Variants in PDGFD observed in about 807,000 individuals in gnomAD.
The protein encoded by PDGFD is platelet-derived growth factor D.
Under a neutral mutation model 44.7 loss-of-function variants are expected in PDGFD, and 30 were observed. The ratio of observed to expected loss-of-function variants is 0.67; its 90% CI spans 0.50 to 0.91. PDGFD has a LOEUF of 0.91. PDGFD is among the 40% of genes least tolerant of loss of function. PDGFD has a pLI of 0.00. For missense variants in PDGFD, 445 were observed against 457.8 expected (o/e 0.97, Z 0.25); for synonymous variants, 173 against 168.4 (o/e 1.03, Z -0.21).
At chr11:103,936,197 G>A (rs1858485421) in intron 5 of PDGFD, among the ~76,000 whole-genome samples, 1 of 152,086 alleles carries the variant, frequency 6.6e-6, no homozygotes, top group Non-Finnish European at 1.5e-5. Flanking sequence ...GATGTCACCA[G>A]TACCTCCTTA....
Position 104,005,290 on chromosome 11 carries a change from G to A in PDGFD, c.125-5035C>T, listed in dbSNP as rs537372732. Among the ~76,000 whole-genome samples the A allele has an allele frequency of 4.6e-5, 7 of 152,282 alleles. No homozygotes were observed. The South Asian group carries it at 1.0e-3, about 23-fold the overall frequency. On this transcript the variant is annotated intron_variant, in intron 1 of 6. Coordinates refer to ENST00000393158, the MANE Select transcript of PDGFD (RefSeq NM_025208.5). ...GTTAGAATACAAACCAGGCTATCTG[G>A]TTCCAGAGTAGATGCTTCTAACCAC...
chr11:103,925,173 A>T (rs560292999), intron 6 of PDGFD, among the ~76,000 whole-genome samples: 20 of 152,296 alleles, frequency 1.3e-4, no homozygotes, highest in African/African-American at 4.3e-4. Flanking sequence ...CATGGTGTAT[A>T]TGTGCCACAT....
intron 5 of PDGFD, among the ~76,000 whole-genome samples, chr11:103,941,452 C>T (rs1428532826): frequency 6.6e-6 from 1 of 152,080 alleles, no homozygotes; most frequent in African/African-American, 2.4e-5. Flanking sequence ...AGGTAGGCTT[C>T]ACCAAGGAAG....
chr11:103,927,036 G>A lies in PDGFD; in HGVS notation c.863C>T (p.Ala288Val). Residue 288 changes from alanine to valine, a missense_variant, in exon 6 of 7, where the codon GCC becomes GTC. Coordinates refer to ENST00000393158, the MANE Select transcript of PDGFD (RefSeq NM_025208.5). ...SVNIREELKLANVVFFPRCLL... is the reference protein window; with the variant it reads ...SVNIREELKLVNVVFFPRCLL... ...GCAACGTGGAAAGAAGACCACATTGGCCAACTTCAGCTCTTCTCTTATATT... is the reference window on the plus strand; with the variant it reads ...GCAACGTGGAAAGAAGACCACATTGACCAACTTCAGCTCTTCTCTTATATT... 1 of 1,614,140 alleles carries A rather than the reference G, an allele frequency of 6.2e-7. No individual in the cohort carries two copies. The highest frequency in any genetic ancestry group is 8.5e-7 in the Non-Finnish European group (1 of 1,179,990).
chr11:104,161,245 C>G (rs904833127), intron 1 of PDGFD, among the ~76,000 whole-genome samples: 2 of 152,178 alleles, frequency 1.3e-5, no homozygotes, highest in African/African-American at 4.8e-5. Context: ...TAGAAACTTT[C>G]ATTTTCTATT....
In PDGFD at chr11:104,067,756, T is replaced by A. The variant is rs531268809; in HGVS notation, c.125-67501A>T. Among the ~76,000 whole-genome samples, 3 of 152,250 alleles carry A rather than the reference T, an allele frequency of 2.0e-5. No individual in the cohort carries two copies. In the South Asian group the frequency reaches 6.2e-4, roughly 32 times the overall value. On this transcript the variant is annotated intron_variant, in intron 1 of 6. Coordinates refer to ENST00000393158, the MANE Select transcript of PDGFD (RefSeq NM_025208.5). ...CACGGTCTAATGAGAACTAAATGAA[T>A]TTCTAGTCTTGAATTTCCTGCAGAC...
At chr11:104,097,975 C>T (rs931509267) in intron 1 of PDGFD, among the ~76,000 whole-genome samples, 5 of 152,096 alleles carry the variant, frequency 3.3e-5, no homozygotes, top group Non-Finnish European at 5.9e-5. Context: ...TGCAACTGTC[C>T]TCTCCAAAAG....
chr11:103,939,540 C>T (rs911358817), intron 5 of PDGFD, among the ~76,000 whole-genome samples: 1 of 151,942 alleles, frequency 6.6e-6, no homozygotes, highest in Admixed American at 6.6e-5. Context: ...AATTGAATAC[C>T]CTTTATTTCC....
chr11:103,998,316 G>T (rs965585170), intron 2 of PDGFD, among the ~76,000 whole-genome samples: 6 of 152,150 alleles, frequency 3.9e-5, no homozygotes, highest in African/African-American at 1.2e-4. Flanking sequence ...CTCATCACCA[G>T]AAAGAACAAG....
chr11:104,017,844 G>A (rs1164645746), intron 1 of PDGFD, among the ~76,000 whole-genome samples: 2 of 152,142 alleles, frequency 1.3e-5, no homozygotes, highest in Non-Finnish European at 2.9e-5. Flanking sequence ...TAATTTTTAA[G>A]AGCACCATCG....
intron 1 of PDGFD, among the ~76,000 whole-genome samples, chr11:104,084,281 T>C (rs900451744): frequency 1.3e-5 from 2 of 152,138 alleles, no homozygotes; most frequent in African/African-American, 4.8e-5. Flanking sequence ...GTAGAGAACA[T>C]AGAGCATGAC....
intron 1 of PDGFD, among the ~76,000 whole-genome samples, chr11:104,064,453 T>G (rs1318824731): frequency 6.6e-6 from 1 of 152,206 alleles, no homozygotes; most frequent in Non-Finnish European, 1.5e-5. Flanking sequence ...CATAATACCC[T>G]TGCTCAGGCG....
intron 3 of PDGFD, among the ~76,000 whole-genome samples, chr11:103,985,764 C>T (rs140691180): frequency 1.3e-3 from 203 of 152,160 alleles, no homozygotes; most frequent in African/African-American, 4.7e-3. Flanking sequence ...GACATATTTC[C>T]GTAGAAAACT....
chr11:104,009,068 C>T (rs534727377), intron 1 of PDGFD, among the ~76,000 whole-genome samples: 5 of 152,080 alleles, frequency 3.3e-5, no homozygotes, highest in East Asian at 3.9e-4. Context: ...TTAGCATGAA[C>T]ATTAAGGGAT....
At chr11:104,161,977 G>GTGTGTA (rs1342291556) in intron 1 of PDGFD, among the ~76,000 whole-genome samples, 28 of 151,742 alleles carry the variant, frequency 1.8e-4, no homozygotes, top group African/African-American at 6.3e-4. Flanking sequence ...GTGTGTGTGT[G>GTGTGTA]TGTACTGTTA....
At chr11:104,088,915 G>A (rs958828117) in intron 1 of PDGFD, among the ~76,000 whole-genome samples, 8 of 60,370 alleles carry the variant, frequency 1.3e-4, no homozygotes, top group Non-Finnish European at 6.7e-5. Context: ...GAACAACAAA[G>A]TGGGATGGGG....
At chr11:104,058,586 G>T (rs1263975054) in intron 1 of PDGFD, among the ~76,000 whole-genome samples, 1 of 152,308 alleles carries the variant, frequency 6.6e-6, no homozygotes, top group East Asian at 1.9e-4. Context: ...TTGGAAAATA[G>T]TTTGGAAGAT....
At chr11:104,161,679 C>A (rs980251849) in intron 1 of PDGFD, among the ~76,000 whole-genome samples, 4 of 152,076 alleles carry the variant, frequency 2.6e-5, no homozygotes, top group African/African-American at 9.7e-5. Flanking sequence ...GAACACAGAC[C>A]GTTGCAATAT....
intron 1 of PDGFD, among the ~76,000 whole-genome samples, chr11:104,074,827 C>G (rs1467955420): frequency 6.6e-6 from 1 of 152,024 alleles, no homozygotes; most frequent in African/African-American, 2.4e-5. Context: ...GTGCTGATTG[C>G]CTGGGAGGGA....
Sources: gnomAD v4.1 joint callset for allele counts (sites outside exome capture counted in the v4.1 genomes callset) on GRCh38, gnomAD v4.1.1 for gene constraint, MANE v1.5 for transcripts, NCBI Gene and HGNC (gene_info 2026-07-23, HGNC 2026-07-21) for gene names.